The following NEGR1 variants were observed in gnomAD, a reference collection of about 807,000 sequenced individuals.
The protein encoded by NEGR1 is neuronal growth regulator 1, also known as IgLON family member 4.
NEGR1 carries 10 observed loss-of-function variants against 40.9 expected under a neutral mutation model. The observed-to-expected ratio is 0.24, with a 90% CI of 0.15 to 0.42. NEGR1 has a LOEUF of 0.42. Ranked by LOEUF, NEGR1 falls within the 10% of genes least tolerant of loss-of-function variation. The pLI is 1.00. For missense variants in NEGR1, 352 were observed against 438.9 expected (o/e 0.80, Z 1.77); for synonymous variants, 185 against 166.8 (o/e 1.11, Z -0.84).
intron 4 of NEGR1, among the ~76,000 whole-genome samples, chr1:71,656,768 C>A (rs1651892638): frequency 6.6e-6 from 1 of 152,156 alleles, no homozygotes; most frequent in African/African-American, 2.4e-5. Flanking sequence ...GGGGAACTCT[C>A]CTCATAAAAG....
intron 5 of NEGR1, among the ~76,000 whole-genome samples, chr1:71,599,312 A>C (rs1262347067): frequency 1.3e-5 from 2 of 152,216 alleles, no homozygotes; most frequent in African/African-American, 4.8e-5. Flanking sequence ...AATTATTTTT[A>C]AAGAAAAGAT....
intron 6 of NEGR1, among the ~76,000 whole-genome samples, chr1:71,414,449 G>T (rs1035476409): frequency 6.6e-6 from 1 of 152,124 alleles, no homozygotes; most frequent in Non-Finnish European, 1.5e-5. Context: ...AAGCAGATGG[G>T]ATATGCTTTT....
intron 2 of NEGR1, among the ~76,000 whole-genome samples, chr1:71,798,911 A>G (rs1279146888): frequency 6.6e-6 from 1 of 152,210 alleles, no homozygotes; most frequent in African/African-American, 2.4e-5. Flanking sequence ...AACAGTTTAT[A>G]TAAGTAGCCG....
At chr1:72,260,093 A>C (rs1217071449) in intron 1 of NEGR1, among the ~76,000 whole-genome samples, 1 of 152,092 alleles carries the variant, frequency 6.6e-6, no homozygotes, top group Non-Finnish European at 1.5e-5. Context: ...CCTTAGAGTA[A>C]CCCTAAGAAG....
intron 2 of NEGR1, among the ~76,000 whole-genome samples, chr1:71,887,387 T>C (rs1228844930): frequency 1.3e-5 from 2 of 152,236 alleles, no homozygotes; most frequent in East Asian, 1.9e-4. Context: ...TTAACAACTT[T>C]TCAAAATGTG....
At chr1:71,454,565 A>AT (rs1233115936) in intron 6 of NEGR1, among the ~76,000 whole-genome samples, 1 of 151,774 alleles carries the variant, frequency 6.6e-6, no homozygotes, top group African/African-American at 2.4e-5. Flanking sequence ...GGTTTTAAAA[A>AT]AATTTACCTT....
At position 71,482,347 on chromosome 1, in the gene NEGR1, A is replaced by T. The variant is rs1027508831; in HGVS notation, c.941-74777T>A. On this transcript the variant is annotated intron_variant, in intron 6 of 6. Transcript: ENST00000357731. ...GAATTTTTTTTAACATAGCAGGCAA[A>T]AAAAGCACCTGCCACAGATAATCTT... 2.0e-5 allele frequency among the ~76,000 whole-genome samples: 3 copies of T among 151,834 alleles called. 1 individual carries two copies. The highest frequency in any genetic ancestry group is 2.0e-4 in the Admixed American group (3 of 15,206).
intron 6 of NEGR1, among the ~76,000 whole-genome samples, chr1:71,476,066 TCTTC>T (rs1236185407): frequency 6.6e-6 from 1 of 152,096 alleles, no homozygotes; most frequent in Non-Finnish European, 1.5e-5. Context: ...GTGGGTTTTT[TCTTC>T]CTTCTACATT....
chr1:72,061,409 AT>A (rs1202661310), intron 1 of NEGR1, among the ~76,000 whole-genome samples: 18 of 151,816 alleles, frequency 1.2e-4, no homozygotes, highest in Admixed American at 5.9e-4. Context: ...ATTTAATGGG[AT>A]TTTTTTCCAG....
intron 2 of NEGR1, among the ~76,000 whole-genome samples, chr1:71,776,835 T>C (rs1656528726): frequency 6.6e-6 from 1 of 152,088 alleles, no homozygotes. Flanking sequence ...CTAGACTTTC[T>C]CAAAATTTGT....
intron 2 of NEGR1, among the ~76,000 whole-genome samples, chr1:71,924,884 A>T (rs1645757781): frequency 1.3e-5 from 2 of 151,944 alleles, no homozygotes; most frequent in African/African-American, 4.8e-5. Flanking sequence ...ATGTCTAACT[A>T]ATCCTTTTTT....
intron 3 of NEGR1, among the ~76,000 whole-genome samples, chr1:71,711,644 C>A (rs542664843): frequency 5.2e-4 from 79 of 152,138 alleles, no homozygotes; most frequent in African/African-American, 1.9e-3. Flanking sequence ...CAGTCTCACT[C>A]CTGCATAAAT....
intron 4 of NEGR1, among the ~76,000 whole-genome samples, chr1:71,694,261 GTGTT>G (rs1269976280): frequency 6.6e-6 from 1 of 151,482 alleles, no homozygotes; most frequent in African/African-American, 2.4e-5. Flanking sequence ...GTGTGTGTGT[GTGTT>G]TGTGTGTGTC....
intron 6 of NEGR1, chr1:71,477,345 T>C (rs1218983906): frequency 2.0e-5 from 3 of 152,106 alleles, no homozygotes; most frequent in African/African-American, 7.2e-5. Context: ...TTGATAACTA[T>C]GTATGAAAAG....
chr1:72,139,586 T>C (rs1427812115), intron 1 of NEGR1, among the ~76,000 whole-genome samples: 1 of 152,056 alleles, frequency 6.6e-6, no homozygotes, highest in African/African-American at 2.4e-5. Flanking sequence ...AGCACACTCA[T>C]AGGCAGACAA....
intron 1 of NEGR1, among the ~76,000 whole-genome samples, chr1:72,131,059 T>A (rs576550066): frequency 2.0e-5 from 3 of 152,326 alleles, no homozygotes; most frequent in African/African-American, 7.2e-5. Flanking sequence ...CATATTTATA[T>A]CCACTTAATT....
chr1:71,898,741 T>G (rs540346284), intron 2 of NEGR1, among the ~76,000 whole-genome samples: 9 of 151,024 alleles, frequency 6.0e-5, no homozygotes, highest in Non-Finnish European at 1.2e-4. Flanking sequence ...AATAAATGTT[T>G]GGACGTTCAA....
intron 3 of NEGR1, among the ~76,000 whole-genome samples, chr1:71,763,004 G>T (rs1655997653): frequency 6.6e-6 from 1 of 151,888 alleles, no homozygotes; most frequent in Non-Finnish European, 1.5e-5. Context: ...CACCAGGAAG[G>T]AAGAACAAAA....
chr1:72,139,939 T>C (rs913660126), intron 1 of NEGR1, among the ~76,000 whole-genome samples: 13 of 152,108 alleles, frequency 8.5e-5, no homozygotes, highest in African/African-American at 2.9e-4. Flanking sequence ...GCTACTCCAC[T>C]TTCTTTGGTA....
Sources: gnomAD v4.1 joint callset for allele counts (sites outside exome capture counted in the v4.1 genomes callset) on GRCh38, gnomAD v4.1.1 for gene constraint, MANE v1.5 for transcripts, NCBI Gene and HGNC (gene_info 2026-07-23, HGNC 2026-07-21) for gene names.